PTK2: variants seen among roughly 807,000 people sequenced by gnomAD.
PTK2 encodes the protein focal adhesion kinase 1.
In PTK2, 45 loss-of-function variants were observed where a neutral mutation model predicts 150.1. The ratio of observed to expected loss-of-function variants is 0.30; its 90% CI spans 0.24 to 0.38. PTK2 has a LOEUF of 0.38. Ranked by LOEUF, PTK2 falls within the 10% of genes least tolerant of loss-of-function variation. The pLI is 1.00. For missense variants in PTK2, 919 were observed against 1,307.3 expected (o/e 0.70, Z 4.58); for synonymous variants, 432 against 449.2 (o/e 0.96, Z 0.48).
chr8:140,900,670 C>A (rs1439254952), intron 2 of PTK2, among the ~76,000 whole-genome samples: 1 of 151,272 alleles, frequency 6.6e-6, no homozygotes, highest in Non-Finnish European at 1.5e-5. Flanking sequence ...TGCAGTGAGC[C>A]GAGATCGTGC....
At position 140,911,952 on chromosome 8, in the gene PTK2, G is replaced by A. The variant is rs2100163336; in HGVS notation, c.-33+13709C>T. On this transcript the variant is annotated intron_variant, in intron 2 of 31. Coordinates refer to ENST00000522684, the Ensembl canonical transcript of PTK2. Reference sequence around the variant, plus strand: ...ATTTAGCTATATCAAAATAGAATAGGCCAGGCGCGGTGACTCATGCCTATA... The same window carrying A: ...ATTTAGCTATATCAAAATAGAATAGACCAGGCGCGGTGACTCATGCCTATA... Among the ~76,000 whole-genome samples the A allele has an allele frequency of 2.0e-5, 3 of 152,096 alleles. No individual in the cohort carries two copies. The South Asian group carries it at 6.2e-4, about 32-fold the overall frequency.
chr8:140,963,862 G>GGGGGGTTA (rs2100184262), intron 1 of PTK2, among the ~76,000 whole-genome samples: 1 of 152,142 alleles, frequency 6.6e-6, no homozygotes, highest in Non-Finnish European at 1.5e-5. Flanking sequence ...GAGAACTTGA[G>GGGGGGTTA]GGGGGTTAGG....
chr8:140,932,984 T>G (rs556863870), intron 1 of PTK2, among the ~76,000 whole-genome samples: 1 of 152,134 alleles, frequency 6.6e-6, no homozygotes, highest in East Asian at 1.9e-4. Flanking sequence ...CCCAAGTAGC[T>G]GGGATTACAG....
chr8:140,794,510 C>T (rs368491430), intron 12 of PTK2, among the ~76,000 whole-genome samples: 6 of 152,102 alleles, frequency 3.9e-5, no homozygotes, highest in East Asian at 1.9e-4. Flanking sequence ...CCCCCATACA[C>T]GGAAAATACT....
At chr8:140,942,182 C>T (rs1304718510) in intron 1 of PTK2, among the ~76,000 whole-genome samples, 2 of 152,136 alleles carry the variant, frequency 1.3e-5, no homozygotes, top group African/African-American at 4.8e-5. Flanking sequence ...CCTAGACTTA[C>T]TATGTACATT....
At chr8:140,879,484 G>A (rs1214040757) in exon 4 of PTK2, 1 of 1,611,046 alleles carries the variant, frequency 6.2e-7, no homozygotes, top group Non-Finnish European at 8.5e-7. Flanking sequence ...CACTCCTCTG[G>A]TGGGTGAGCA....
chr8:140,691,199 GT>G (rs146710686), intron 26 of PTK2, among the ~76,000 whole-genome samples: 7,220 of 143,794 alleles, frequency 0.05, 291 homozygotes, highest in Non-Finnish European at 0.065. Context: ...ATGGTTGGGG[GT>G]GGGGGGTCTC....
intron 26 of PTK2, among the ~76,000 whole-genome samples, chr8:140,700,390 T>C (rs528402323): frequency 5.3e-5 from 8 of 152,276 alleles, no homozygotes; most frequent in African/African-American, 1.9e-4. Flanking sequence ...CAGGCTGGTC[T>C]TGAACTCCTG....
At chr8:140,829,395 A>G (rs2100113935) in intron 8 of PTK2, among the ~76,000 whole-genome samples, 2 of 152,230 alleles carry the variant, frequency 1.3e-5, no homozygotes, top group African/African-American at 4.8e-5. Flanking sequence ...CTTTTGTCAC[A>G]GATTGCATCT....
At chr8:140,945,058 A>G (rs1224111334) in intron 1 of PTK2, among the ~76,000 whole-genome samples, 2 of 152,086 alleles carry the variant, frequency 1.3e-5, no homozygotes, top group Admixed American at 1.3e-4. Flanking sequence ...CAGCTTCTTA[A>G]ATTTCCTGTT....
At chr8:140,982,512 G>A (rs894525701) in intron 1 of PTK2, among the ~76,000 whole-genome samples, 55 of 152,080 alleles carry the variant, frequency 3.6e-4, no homozygotes, top group African/African-American at 1.3e-3. Context: ...CAGGAGAATC[G>A]CTTGAACCCG....
chr8:140,690,877 GC>G (rs1202673005), intron 26 of PTK2, among the ~76,000 whole-genome samples: 1 of 152,154 alleles, frequency 6.6e-6, no homozygotes, highest in Non-Finnish European at 1.5e-5. Context: ...GCACCAGGTG[GC>G]CTGGGTTCTA....
At chr8:140,845,897 G>T (rs984060821) in intron 7 of PTK2, among the ~76,000 whole-genome samples, 4 of 152,030 alleles carry the variant, frequency 2.6e-5, no homozygotes, top group Admixed American at 2.0e-4. Flanking sequence ...AGTAACTTCC[G>T]TATCTCTATT....
chr8:140,683,287 C>T (rs1350478165), intron 27 of PTK2, among the ~76,000 whole-genome samples: 1 of 152,080 alleles, frequency 6.6e-6, no homozygotes, highest in African/African-American at 2.4e-5. Flanking sequence ...ATACACATTC[C>T]CAAGACTGAG....
intron 1 of PTK2, among the ~76,000 whole-genome samples, chr8:140,976,106 A>G (rs530081243): frequency 6.8e-4 from 103 of 152,346 alleles, no homozygotes; most frequent in Non-Finnish European, 1.1e-3. Flanking sequence ...CACTTTATAA[A>G]TAAGGACTTG....
chr8:140,726,463 T>C (rs891690165), intron 22 of PTK2, among the ~76,000 whole-genome samples: 2 of 152,198 alleles, frequency 1.3e-5, no homozygotes, highest in African/African-American at 4.8e-5. Flanking sequence ...AAGCACATCC[T>C]ACTTAAATTG....
intron 7 of PTK2, among the ~76,000 whole-genome samples, chr8:140,844,649 G>A (rs2100124263): frequency 6.6e-6 from 1 of 152,090 alleles, no homozygotes; most frequent in East Asian, 1.9e-4. Flanking sequence ...AGCTGCTCTA[G>A]GGCTCACCCG....
intron 23 of PTK2, among the ~76,000 whole-genome samples, chr8:140,707,770 G>A (rs2154161704): frequency 1.3e-5 from 2 of 152,318 alleles, no homozygotes; most frequent in Middle Eastern, 3.4e-3. Flanking sequence ...AGCTATTAAA[G>A]TATCATTAAT....
At chr8:140,925,063 A>C (rs2100168950) in intron 2 of PTK2, among the ~76,000 whole-genome samples, 1 of 152,142 alleles carries the variant, frequency 6.6e-6, no homozygotes, top group Non-Finnish European at 1.5e-5. Flanking sequence ...TGTAAATGTC[A>C]CCAAAAGCAG....
Sources: gnomAD v4.1 joint callset for allele counts (sites outside exome capture counted in the v4.1 genomes callset) on GRCh38, gnomAD v4.1.1 for gene constraint, MANE v1.5 for transcripts, NCBI Gene and HGNC (gene_info 2026-07-23, HGNC 2026-07-21) for gene names.